Variants in SSBP3 observed in about 807,000 individuals in gnomAD.
SSBP3 encodes single-stranded DNA-binding protein 3.
Under a neutral mutation model 69.6 loss-of-function variants are expected in SSBP3, and 5 were observed. That is an observed-to-expected ratio of 0.07 (90% CI 0.04 to 0.15). SSBP3 has a LOEUF of 0.15. Ranked by LOEUF, SSBP3 falls within the 10% of genes least tolerant of loss-of-function variation. The probability of loss-of-function intolerance (pLI) is 1.00; values close to 1 mark genes in which losing one functional copy is unlikely to be tolerated. For synonymous variants in SSBP3, 196 were observed against 193.4 expected, an observed-to-expected ratio of 1.01 and a Z score of -0.11; for missense variants, 312 against 534.0, an observed-to-expected ratio of 0.58 and a Z score of 4.10.
At chr1:54,355,239 G>A (rs1646844498) in intron 4 of SSBP3, among the ~76,000 whole-genome samples, 1 of 152,258 alleles carries the variant, frequency 6.6e-6, no homozygotes, top group Admixed American at 6.5e-5. Flanking sequence ...CAGCAGACAT[G>A]AGGCTACTGT....
At chr1:54,410,070 G>T (rs1366074720), upstream of SSBP3, among the ~76,000 whole-genome samples, 1 of 152,206 alleles carries the variant, frequency 6.6e-6, no homozygotes, top group Non-Finnish European at 1.5e-5. Context: ...TTCCCCATGG[G>T]AATATGACTC....
chr1:54,314,963 C>A (rs1646069644), intron 4 of SSBP3, among the ~76,000 whole-genome samples: 1 of 152,132 alleles, frequency 6.6e-6, no homozygotes, highest in Non-Finnish European at 1.5e-5. Context: ...AACGGCAGAG[C>A]TTGTCACTCG....
In SSBP3 at chr1:54,356,430, C is replaced by T. The variant is rs544756354; in HGVS notation, c.276+45431G>A. On this transcript the variant is annotated intron_variant, in intron 4 of 17. Coordinates refer to ENST00000610401, the Ensembl canonical transcript of SSBP3. ...TTTCACGCACCTGGCAACTCCCAAG[C>T]GCAGGAGCTGCAAAGGAGATGGGAA... The T allele has an allele frequency of 2.0e-5, 3 of 152,306 alleles. 1 individual carries two copies. The highest frequency in any genetic ancestry group is 4.1e-4 in the South Asian group (2 of 4,826). 9.4% of individuals were successfully genotyped at this position (152,306 alleles called of 1,614,324 possible).
intron 4 of SSBP3, among the ~76,000 whole-genome samples, chr1:54,387,859 C>G (rs990213552): frequency 2.0e-5 from 3 of 152,128 alleles, no homozygotes; most frequent in Non-Finnish European, 4.4e-5. Flanking sequence ...TTGCTGCACT[C>G]GAGTCGCTTC....
At chr1:54,243,456 G>C in intron 9 of SSBP3, 157 bp from the exon 10 acceptor site, 1 of 851,410 alleles carries the variant, frequency 1.2e-6, no homozygotes, top group Non-Finnish European at 1.9e-6. Context: ...TGGGGCGGGT[G>C]GGAACCAAGT....
At chr1:54,238,285 CT>C in intron 14 of SSBP3, 1 of 471,126 alleles carries the variant, frequency 2.1e-6, no homozygotes, top group South Asian at 1.5e-5. Context: ...GCCCTACCCC[CT>C]CAACCAGGCC....
At chr1:54,395,896 A>G (rs1648828609) in intron 4 of SSBP3, among the ~76,000 whole-genome samples, 1 of 152,272 alleles carries the variant, frequency 6.6e-6, no homozygotes, top group South Asian at 2.1e-4. Flanking sequence ...CAAGGCTACA[A>G]AAAACCCCGT....
chr1:54,389,854 G>T (rs1208891505), intron 4 of SSBP3, among the ~76,000 whole-genome samples: 1 of 151,574 alleles, frequency 6.6e-6, no homozygotes, highest in Non-Finnish European at 1.5e-5. Context: ...ACTCCAGCCT[G>T]GGCAACACAG....
At chr1:54,408,407 A>G (rs1649908377), upstream of SSBP3, among the ~76,000 whole-genome samples, 1 of 152,204 alleles carries the variant, frequency 6.6e-6, no homozygotes, top group Admixed American at 6.5e-5. Context: ...ACTTCCTTCT[A>G]TTTTGAATGG....
At chr1:54,408,814 TTC>T (rs1649917508), upstream of SSBP3, among the ~76,000 whole-genome samples, 2 of 152,178 alleles carry the variant, frequency 1.3e-5, no homozygotes, top group African/African-American at 2.4e-5. Context: ...AGGGGTAGGG[TTC>T]AGAGATCCTG....
intron 13 of SSBP3, among the ~76,000 whole-genome samples, chr1:54,240,481 G>GC (rs1644612885): frequency 2.4e-5 from 3 of 122,504 alleles, no homozygotes; most frequent in South Asian, 3.1e-4. Context: ...AAGGGGGGGG[G>GC]GGCGGGGGGG....
At chr1:54,396,902 G>A (rs1016162758) in intron 4 of SSBP3, among the ~76,000 whole-genome samples, 4 of 152,088 alleles carry the variant, frequency 2.6e-5, no homozygotes, top group Non-Finnish European at 1.5e-5. Flanking sequence ...TGCACTGCTC[G>A]GGTGCTGGCA....
chr1:54,293,970 C>G (rs529274233), intron 4 of SSBP3, among the ~76,000 whole-genome samples: 2 of 151,650 alleles, frequency 1.3e-5, no homozygotes, highest in East Asian at 3.9e-4. Context: ...AACCCCATCT[C>G]TACTAAAAAT....
At chr1:54,380,195 G>A (rs756556355) in intron 4 of SSBP3, among the ~76,000 whole-genome samples, 4 of 152,208 alleles carry the variant, frequency 2.6e-5, no homozygotes, top group Admixed American at 1.3e-4. Flanking sequence ...GACCCTCCCC[G>A]CAGAGCAGCG....
exon 18 of SSBP3, chr1:54,226,166 T>G (rs1644281970): frequency 6.6e-6 from 1 of 152,362 alleles, no homozygotes; most frequent in Non-Finnish European, 1.5e-5. Context: ...GGATTCTCAC[T>G]GGGAAGACTG....
chr1:54,309,234 C>T (rs1019309372), intron 4 of SSBP3, among the ~76,000 whole-genome samples: 5 of 152,222 alleles, frequency 3.3e-5, no homozygotes, highest in Non-Finnish European at 7.3e-5. Flanking sequence ...GACTGAAGGA[C>T]TGAGGCATGA....
At chr1:54,228,691 G>A in intron 15 of SSBP3, 57 bp downstream of exon 15, 2 of 1,539,674 alleles carry the variant, frequency 1.3e-6, no homozygotes, top group Non-Finnish European at 1.8e-6. Context: ...CAGGAGCTGA[G>A]GCACAGAGCT....
intron 9 of SSBP3, among the ~76,000 whole-genome samples, chr1:54,244,351 C>T (rs994174060): frequency 3.3e-5 from 5 of 149,334 alleles, no homozygotes; most frequent in African/African-American, 1.2e-4. Context: ...ATCCACCCAC[C>T]TTGGCCTCCC....
At chr1:54,251,481 G>C in intron 9 of SSBP3, 135 bp downstream of exon 9, 1 of 978,164 alleles carries the variant, frequency 1.0e-6, no homozygotes, top group Non-Finnish European at 1.6e-6. Flanking sequence ...GACAGGAGCA[G>C]GGGATGCGGC....
Sources: gnomAD v4.1 joint callset for allele counts (sites outside exome capture counted in the v4.1 genomes callset) on GRCh38, gnomAD v4.1.1 for gene constraint, MANE v1.5 for transcripts, NCBI Gene and HGNC (gene_info 2026-07-23, HGNC 2026-07-21) for gene names.